The following ATP13A2 variants were observed in gnomAD, a reference collection of about 807,000 sequenced individuals.
The protein encoded by ATP13A2 is polyamine-transporting ATPase 13A2.
ATP13A2 carries 83 observed loss-of-function variants against 138.3 expected under a neutral mutation model. That is an observed-to-expected ratio of 0.60 (90% CI 0.50 to 0.72). The LOEUF is 0.72. Among genes scored for constraint, ATP13A2 ranks in the 30% least tolerant of loss-of-function variants. The pLI, the probability that ATP13A2 is intolerant of heterozygous loss-of-function variation, is 0.00. For synonymous variants in ATP13A2, 663 were observed against 699.0 expected (o/e 0.95, Z 0.81); for missense variants, 1,402 against 1,606.4 (o/e 0.87, Z 2.17).
At position 17,004,318 on chromosome 1, in the gene ATP13A2, G is replaced by A. The variant is rs777162685; in HGVS notation, c.557+14C>T. The stretch of plus-strand genomic sequence containing the variant: ...CTGGGAGGTGACATGAGCCACACAG[G>A]CCCTGACTCCTACCTGACCTGGTAG... On this transcript the variant is annotated intron_variant, in intron 6 of 28. Coordinates refer to ENST00000326735, the MANE Select transcript of ATP13A2 (RefSeq NM_022089.4). The surrounding 1 kb of genome is among the most constrained non-coding windows in gnomAD (Gnocchi z 4.1). 3.1e-6 allele frequency: 5 copies of A among 1,612,658 alleles called. No individual in the cohort carries two copies. The highest frequency in any genetic ancestry group is 4.2e-6 in the Non-Finnish European group (5 of 1,179,360).
At chr1:17,001,905 C>T (rs926767387) in intron 8 of ATP13A2, 129 bp downstream of exon 8, 16 of 938,578 alleles carry the variant, frequency 1.7e-5, no homozygotes, top group Admixed American at 1.1e-4. Flanking sequence ...TCTGAGATGA[C>T]GATCCACTAT....
At chr1:16,998,943 A>ACACCC (rs2077239380) in intron 11 of ATP13A2, among the ~76,000 whole-genome samples, 1 of 152,140 alleles carries the variant, frequency 6.6e-6, no homozygotes. Flanking sequence ...CACACCCTTC[A>ACACCC]CAGTGGCTGC....
intron 1 of ATP13A2, among the ~76,000 whole-genome samples, chr1:17,007,359 G>A (rs2077597142): frequency 6.6e-6 from 1 of 152,094 alleles, no homozygotes; most frequent in Non-Finnish European, 1.5e-5. Context: ...ATATGCAGAT[G>A]CCAGGGCCCT....
chr1:16,994,317 C>A (rs1247433162), intron 15 of ATP13A2, among the ~76,000 whole-genome samples: 1 of 152,092 alleles, frequency 6.6e-6, no homozygotes, highest in Admixed American at 6.5e-5. Flanking sequence ...ACTGCAACCT[C>A]CACCTCCCGG....
At chr1:16,988,547 A>G in intron 23 of ATP13A2, 73 bp from the exon 24 acceptor site, 1 of 1,603,132 alleles carries the variant, frequency 6.2e-7, no homozygotes, top group South Asian at 1.1e-5. Flanking sequence ...GCAGAATATG[A>G]TGACAGCTGG....
intron 20 of ATP13A2, among the ~76,000 whole-genome samples, 160 bp downstream of exon 20, chr1:16,991,574 G>C (rs55633553): frequency 2.6e-5 from 4 of 151,890 alleles, no homozygotes; most frequent in African/African-American, 9.7e-5. Flanking sequence ...TACCACTTGC[G>C]GGGGGGATAT....
At chr1:16,999,918 GA>G (rs372946553) in intron 11 of ATP13A2, 92 bp downstream of exon 11, 20 of 1,455,552 alleles carry the variant, frequency 1.4e-5, no homozygotes, top group Middle Eastern at 1.8e-4. Flanking sequence ...AACAAAAAAG[GA>G]AAAGGAAACT....
At position 16,990,279 on chromosome 1, in the gene ATP13A2, G is replaced by C. The variant is rs139909551; in HGVS notation, c.2260C>G (p.Leu754Val). ...CGGGCCACAGTCACCGCTGTCTGCA[G>C]GTTGTCCCCTGGGGGTTATGGGGCA... ...IRAVMVTGDN[L>V]QTAVTVARGC... The change falls in exon 21 of 29, where the codon CTG becomes GTG. Residue 754 changes from leucine to valine, a missense_variant. By Grantham distance (32) the Leu-to-Val change is conservative (BLOSUM62 1). Coordinates refer to ENST00000326735, the MANE Select transcript of ATP13A2 (RefSeq NM_022089.4). 51 of 1,613,926 alleles carry C rather than the reference G, an allele frequency of 3.2e-5. No homozygotes were observed. The highest frequency in any genetic ancestry group is 6.7e-5 in the African/African-American group (5 of 74,942).
At chr1:17,008,733 G>A (rs1387964572) in intron 1 of ATP13A2, among the ~76,000 whole-genome samples, 1 of 151,948 alleles carries the variant, frequency 6.6e-6, no homozygotes, top group African/African-American at 2.4e-5. Flanking sequence ...GGCGGATCAC[G>A]AGGTCAGGAG....
intron 15 of ATP13A2, among the ~76,000 whole-genome samples, chr1:16,994,798 G>T (rs2100847325): frequency 1.3e-5 from 2 of 152,158 alleles, no homozygotes; most frequent in Middle Eastern, 6.8e-3. Flanking sequence ...GAGTAACTGG[G>T]ACAACAGGCA....
chr1:16,990,052 G>T, intron 21 of ATP13A2, 49 bp from the exon 22 acceptor site: 5 of 1,613,358 alleles, frequency 3.1e-6, no homozygotes, highest in Middle Eastern at 1.7e-4. Context: ...ACCCTGGAGA[G>T]TTGGGGCCTG....
chr1:16,987,012 C>T (rs367885671), intron 26 of ATP13A2, 34 bp downstream of exon 26: 66 of 1,262,418 alleles, frequency 5.2e-5, no homozygotes, highest in Non-Finnish European at 6.9e-5. Flanking sequence ...AGGGAAGGGG[C>T]GGGATGGGGG....
intron 19 of ATP13A2, 50 bp from the exon 20 acceptor site, chr1:16,991,908 C>G: frequency 6.2e-7 from 1 of 1,612,890 alleles, no homozygotes; most frequent in Non-Finnish European, 8.5e-7. Context: ...GCCAGGGCCC[C>G]TCTCCCAGCC....
At chr1:17,003,328 C>T (rs991024344) in intron 6 of ATP13A2, among the ~76,000 whole-genome samples, 1 of 152,018 alleles carries the variant, frequency 6.6e-6, no homozygotes, top group Non-Finnish European at 1.5e-5. Flanking sequence ...GAGGCTGAGG[C>T]GGGTGGATCA....
intron 8 of ATP13A2, 118 bp from the exon 9 acceptor site, chr1:17,000,652 C>A: frequency 7.3e-7 from 1 of 1,364,198 alleles, no homozygotes; most frequent in African/African-American, 1.5e-5. Flanking sequence ...GGACTGGAGC[C>A]AGGCCTTTCT....
At chr1:17,010,431 G>A (rs1021643585) in intron 1 of ATP13A2, among the ~76,000 whole-genome samples, 1 of 152,152 alleles carries the variant, frequency 6.6e-6, no homozygotes, top group African/African-American at 2.4e-5. Flanking sequence ...ACCATGCCCT[G>A]CGGAAGCCCT....
Position 16,996,921 on chromosome 1 carries a change from C to G in ATP13A2, c.1195+99G>C. 3.5e-6 allele frequency: 5 copies of G among 1,440,048 alleles called. No individual in the cohort carries two copies. In the South Asian group the frequency reaches 4.9e-5, roughly 14 times the overall value. 89.2% of individuals were successfully genotyped at this position (1,440,048 alleles called of 1,614,324 possible). On this transcript the variant is annotated intron_variant, in intron 12 of 28. Transcript: ENST00000326735. Reference sequence around the variant, plus strand: ...ACAGCAGGGCAGCAGCAGAGGTGGGCGTGGGGTCCAGGGTTCCAGGTCCCA... The same window carrying G: ...ACAGCAGGGCAGCAGCAGAGGTGGGGGTGGGGTCCAGGGTTCCAGGTCCCA...
Position 17,011,821 on chromosome 1 carries a change from C to T in ATP13A2, c.-83G>A. ...GCGTGCGCAAGGCCCTGGGCGGGGG[C>T]GCGGTCCGGACGGCCCGGGGCGAGG... On this transcript the variant is annotated 5_prime_UTR_variant, in exon 1 of 29. Transcript: ENST00000326735. This position sits in a 1 kb window ranked among gnomAD's most constrained non-coding sequence, Gnocchi z 7.3. 2.7e-6 allele frequency: 3 copies of T among 1,129,336 alleles called. No homozygotes were observed. Among genetic ancestry groups the T allele is most frequent in the Non-Finnish European group, 3.2e-6 (3 of 926,500 alleles). 70.0% of individuals were successfully genotyped at this position (1,129,336 alleles called of 1,614,324 possible).
Position 16,997,416 on chromosome 1 carries a change from G to T in ATP13A2, c.1040-241C>A, listed in dbSNP as rs376023783. Among the ~76,000 whole-genome samples the T allele has an allele frequency of 3.9e-4, 56 of 143,988 alleles. 7 individuals carry two copies. The highest frequency in any genetic ancestry group is 1.7e-3 in the Admixed American group (24 of 14,364). The allele number at this position is 143,988 out of a possible 152,430, so 94.5% of individuals were successfully genotyped here. A position where few individuals can be genotyped will look rare whatever the true frequency, so the allele number is the denominator to read the frequency against. On this transcript the variant is annotated intron_variant, in intron 11 of 28. Coordinates refer to ENST00000326735, the MANE Select transcript of ATP13A2 (RefSeq NM_022089.4). ...GGCAGCCAGCTCCCTGGAACCAGCGGGGGGGGGTGGGTCAGACAGAGCATG... is the reference window on the plus strand; with the variant it reads ...GGCAGCCAGCTCCCTGGAACCAGCGTGGGGGGGTGGGTCAGACAGAGCATG...
Sources: gnomAD v4.1 joint callset for allele counts (sites outside exome capture counted in the v4.1 genomes callset) on GRCh38, gnomAD v4.1.1 for gene constraint, Gnocchi (gnomAD v3.1) non-coding constraint, MANE v1.5 for transcripts, NCBI Gene and HGNC (gene_info 2026-07-23, HGNC 2026-07-21) for gene names.